Variants in CACNA1D observed in about 807,000 individuals in gnomAD.
CACNA1D encodes voltage-dependent L-type calcium channel subunit alpha-1D.
CACNA1D carries 55 observed loss-of-function variants against 257.1 expected under a neutral mutation model. The observed-to-expected ratio is 0.21, with a 90% CI of 0.17 to 0.27. The LOEUF is 0.27. CACNA1D is among the 10% of genes least tolerant of loss of function. The pLI, the probability that CACNA1D is intolerant of heterozygous loss-of-function variation, is 1.00. For synonymous variants in CACNA1D, 980 were observed against 1,014.9 expected (o/e 0.97, Z 0.65); for missense variants, 1,876 against 2,784.0 (o/e 0.67, Z 7.34).
intron 3 of CACNA1D, among the ~76,000 whole-genome samples, chr3:53,639,166 C>T (rs1430638339): frequency 2.0e-5 from 3 of 152,090 alleles, no homozygotes; most frequent in Non-Finnish European, 4.4e-5. Context: ...TTTTTTGAGA[C>T]GGAGTCTTGC....
At chr3:53,524,092 CT>C (rs146640032) in intron 3 of CACNA1D, among the ~76,000 whole-genome samples, 3,130 of 152,234 alleles carry the variant, frequency 0.021, 61 homozygotes, top group Middle Eastern at 0.078. Flanking sequence ...AAGTAGCGAC[CT>C]GAGGAAATGG....
intron 15 of CACNA1D, among the ~76,000 whole-genome samples, chr3:53,727,339 G>A (rs1559580466): frequency 6.6e-6 from 1 of 152,150 alleles, no homozygotes; most frequent in Non-Finnish European, 1.5e-5. Context: ...AGGCCAGGTG[G>A]TTCTTTATGT....
intron 3 of CACNA1D, among the ~76,000 whole-genome samples, chr3:53,539,372 T>C (rs2092233634): frequency 6.6e-6 from 1 of 152,186 alleles, no homozygotes. Flanking sequence ...CCTCCCAAAG[T>C]GCTGGGATTA....
intron 3 of CACNA1D, among the ~76,000 whole-genome samples, chr3:53,591,820 T>A (rs2093309742): frequency 6.6e-6 from 1 of 152,146 alleles, no homozygotes; most frequent in Non-Finnish European, 1.5e-5. Context: ...TTGACCTGGT[T>A]TTGGTGTCCG....
At chr3:53,510,080 A>G (rs1044277858) in intron 3 of CACNA1D, among the ~76,000 whole-genome samples, 5 of 152,154 alleles carry the variant, frequency 3.3e-5, no homozygotes, top group African/African-American at 1.2e-4. Flanking sequence ...TTGCATTCTT[A>G]CTATAAATCA....
At chr3:53,735,037 T>C (rs1236186140) in intron 19 of CACNA1D, among the ~76,000 whole-genome samples, 1 of 152,192 alleles carries the variant, frequency 6.6e-6, no homozygotes, top group Non-Finnish European at 1.5e-5. Context: ...ATTCTGCCCC[T>C]GGTCCTTACT....
chr3:53,530,864 T>C (rs2091924734), intron 3 of CACNA1D, among the ~76,000 whole-genome samples: 3 of 151,960 alleles, frequency 2.0e-5, no homozygotes, highest in Non-Finnish European at 2.9e-5. Flanking sequence ...TTTTTTTTTT[T>C]CTGAGACAAG....
At chr3:53,534,088 C>A (rs2092037955) in intron 3 of CACNA1D, among the ~76,000 whole-genome samples, 1 of 152,138 alleles carries the variant, frequency 6.6e-6, no homozygotes, top group Non-Finnish European at 1.5e-5. Flanking sequence ...AGGTTGTGTT[C>A]TTGAGTGGGA....
intron 8 of CACNA1D, among the ~76,000 whole-genome samples, chr3:53,691,707 A>G (rs1412982323): frequency 1.9e-5 from 1 of 53,804 alleles, no homozygotes; most frequent in Non-Finnish European, 3.4e-5. Context: ...TATTACATAT[A>G]TAATATATAT....
intron 3 of CACNA1D, among the ~76,000 whole-genome samples, chr3:53,640,909 T>C (rs2093942939): frequency 6.6e-6 from 1 of 152,138 alleles, no homozygotes; most frequent in Admixed American, 6.5e-5. Context: ...GTGGTGGTCA[T>C]TGGTTCATCC....
At chr3:53,765,642 G>A (rs1289282333) in intron 30 of CACNA1D, 1 of 152,564 alleles carries the variant, frequency 6.6e-6, no homozygotes, top group African/African-American at 2.4e-5. Flanking sequence ...TCCAGCCTGG[G>A]GCCATCTTGG....
At chr3:53,710,243 A>T (rs768808138) in intron 9 of CACNA1D, among the ~76,000 whole-genome samples, 27 of 152,162 alleles carry the variant, frequency 1.8e-4, no homozygotes, top group African/African-American at 3.1e-4. Flanking sequence ...TCTGATGCTG[A>T]GCTGGATTCC....
At chr3:53,768,168 T>C (rs1376319113) in intron 30 of CACNA1D, among the ~76,000 whole-genome samples, 2 of 152,184 alleles carry the variant, frequency 1.3e-5, no homozygotes, top group African/African-American at 4.8e-5. Flanking sequence ...TGAAGCAGAA[T>C]AGGGAGAGGC....
At chr3:53,641,574 G>A (rs2093950399) in intron 3 of CACNA1D, among the ~76,000 whole-genome samples, 1 of 152,096 alleles carries the variant, frequency 6.6e-6, no homozygotes, top group Non-Finnish European at 1.5e-5. Flanking sequence ...CCTTAGAGGT[G>A]AAGCTGGGTG....
intron 14 of CACNA1D, 135 bp from the exon 15 acceptor site, chr3:53,726,744 C>T: frequency 1.0e-6 from 1 of 954,416 alleles, no homozygotes; most frequent in South Asian, 1.3e-5. Context: ...CATGGGATAA[C>T]AGATGGATTT....
chr3:53,661,294 A>G lies in CACNA1D; in HGVS notation c.766+1019A>G, dbSNP rs147800734. On this transcript the variant is annotated intron_variant, in intron 5 of 47. Transcript: ENST00000350061. Reference sequence around the variant, plus strand: ...AGAAGTTCTTCATGAAATTTTTATTAAATTTGTTGGCACTTAGAATGCACC... The same window carrying G: ...AGAAGTTCTTCATGAAATTTTTATTGAATTTGTTGGCACTTAGAATGCACC... 1.2e-3 allele frequency among the ~76,000 whole-genome samples: 189 copies of G among 152,230 alleles called. 1 individual carries two copies. Among genetic ancestry groups the G allele is most frequent in the African/African-American group, 3.8e-3 (157 of 41,548 alleles).
chr3:53,773,158 CAA>C (rs939342651), intron 33 of CACNA1D, among the ~76,000 whole-genome samples: 2 of 152,198 alleles, frequency 1.3e-5, no homozygotes, highest in African/African-American at 4.8e-5. Context: ...TTTATCATAA[CAA>C]AGTGAAATTC....
At chr3:53,698,707 C>T (rs1225897976) in intron 8 of CACNA1D, among the ~76,000 whole-genome samples, 4 of 152,162 alleles carry the variant, frequency 2.6e-5, no homozygotes, top group Non-Finnish European at 4.4e-5. Flanking sequence ...AATTCATTCC[C>T]ATCCCTTGTT....
intron 8 of CACNA1D, among the ~76,000 whole-genome samples, chr3:53,680,028 A>T (rs1338012746): frequency 6.6e-6 from 1 of 152,236 alleles, no homozygotes; most frequent in African/African-American, 2.4e-5. Context: ...CAGAGTTAAC[A>T]GCTGTTGGGG....
Sources: allele counts gnomAD v4.1 joint callset (sites outside exome capture counted in the v4.1 genomes callset), GRCh38; gene constraint gnomAD v4.1.1; transcripts MANE v1.5; gene names NCBI Gene and HGNC (gene_info 2026-07-23, HGNC 2026-07-21).